Variants in PACC1 observed in about 807,000 individuals in gnomAD.
The protein encoded by PACC1 is proton activated chloride channel 1, also known as proton-activated chloride channel.
A neutral mutation model predicts 39.7 loss-of-function variants in PACC1; 34 were observed. The observed-to-expected ratio is 0.86, with a 90% confidence interval of 0.65 to 1.14. PACC1 has a LOEUF of 1.14. Ranked by LOEUF, PACC1 falls within the 50% of genes most tolerant of loss-of-function variation. The pLI is 0.00. For synonymous variants in PACC1, 127 were observed against 160.6 expected (o/e 0.79, Z 1.58); for missense variants, 379 against 436.4 (o/e 0.87, Z 1.17).
intron 2 of PACC1, among the ~76,000 whole-genome samples, chr1:212,393,622 G>C (rs6689309): frequency 0.53 from 79,778 of 151,910 alleles, 22,444 homozygotes; most frequent in African/African-American, 0.74. Context: ...CACAAAAAAC[G>C]CTTCAAAATA....
chr1:212,410,173 A>C, intron 2 of PACC1: 1 of 460,202 alleles, frequency 2.2e-6, no homozygotes. Context: ...AGAGATCCAA[A>C]GCATTTGCCA....
chr1:212,367,832 C>T (rs1353249562), intron 7 of PACC1, among the ~76,000 whole-genome samples: 1 of 152,130 alleles, frequency 6.6e-6, no homozygotes, highest in Admixed American at 6.5e-5. Context: ...CACTTCTAAA[C>T]CCACCCTGGC....
chr1:212,394,450 C>G (rs1412792086), intron 2 of PACC1, among the ~76,000 whole-genome samples: 2 of 152,138 alleles, frequency 1.3e-5, no homozygotes, highest in African/African-American at 4.8e-5. Context: ...ATAACAAGAG[C>G]TATTTATGAC....
At chr1:212,408,169 C>A (rs1200845541) in intron 2 of PACC1, among the ~76,000 whole-genome samples, 1 of 151,880 alleles carries the variant, frequency 6.6e-6, no homozygotes, top group Non-Finnish European at 1.5e-5. Flanking sequence ...GCTATATGAC[C>A]TCCCCATGCT....
intron 5 of PACC1, among the ~76,000 whole-genome samples, chr1:212,378,352 G>A (rs1057080580): frequency 6.6e-6 from 1 of 152,264 alleles, no homozygotes; most frequent in Non-Finnish European, 1.5e-5. Flanking sequence ...AAGATGGCCA[G>A]CTTGAAGCAG....
At chr1:212,388,570 A>G (rs1018472218) in intron 2 of PACC1, among the ~76,000 whole-genome samples, 16 of 152,342 alleles carry the variant, frequency 1.1e-4, no homozygotes, top group Admixed American at 8.5e-4. Context: ...CAGAATCCTT[A>G]TAAGAGGAGG....
chr1:212,389,609 A>C (rs560415330), intron 2 of PACC1, among the ~76,000 whole-genome samples: 1 of 152,350 alleles, frequency 6.6e-6, no homozygotes, highest in Non-Finnish European at 1.5e-5. Context: ...AAGATGACCC[A>C]GTGTTGCAAT....
intron 7 of PACC1, among the ~76,000 whole-genome samples, chr1:212,366,363 C>T (rs1050424698): frequency 7.0e-6 from 1 of 143,706 alleles, no homozygotes; most frequent in Non-Finnish European, 1.5e-5. Context: ...TGCAGTGGCG[C>T]GATCTCAGTT....
intron 2 of PACC1, among the ~76,000 whole-genome samples, chr1:212,388,373 T>C (rs781618666): frequency 1.3e-5 from 2 of 152,184 alleles, no homozygotes; most frequent in African/African-American, 4.8e-5. Context: ...CTGTCTCCCC[T>C]ACCTCCCTCA....
chr1:212,414,572 C>T (rs1256664947), intron 1 of PACC1, 150 bp downstream of exon 1: 2 of 1,003,650 alleles, frequency 2.0e-6, no homozygotes, highest in Admixed American at 2.4e-5. Flanking sequence ...CTCCTCTGCA[C>T]CCCGGGAGCC....
intron 2 of PACC1, among the ~76,000 whole-genome samples, chr1:212,390,013 A>T (rs1454258757): frequency 2.6e-5 from 4 of 152,198 alleles, no homozygotes; most frequent in Non-Finnish European, 5.9e-5. Flanking sequence ...AATCAACAGA[A>T]ACTATCCAAT....
chr1:212,365,429 CTT>C (rs879161931), intron 7 of PACC1, 53 bp from the exon 8 acceptor site: 74,006 of 951,684 alleles, frequency 0.078, no homozygotes, highest in East Asian at 0.11. Context: ...AGTCTTGATT[CTT>C]TTTTTTTTTT....
intron 2 of PACC1, among the ~76,000 whole-genome samples, chr1:212,404,353 A>G (rs1661828732): frequency 6.7e-6 from 1 of 149,832 alleles, no homozygotes; most frequent in Non-Finnish European, 1.5e-5. Context: ...TGATCCACCC[A>G]CCTCAGCCTC....
At chr1:212,379,214 A>G (rs1480785297) in intron 5 of PACC1, among the ~76,000 whole-genome samples, 1 of 152,160 alleles carries the variant, frequency 6.6e-6, no homozygotes, top group African/African-American at 2.4e-5. Flanking sequence ...AAGTGGTAGG[A>G]TTACAGGTGT....
At chr1:212,406,561 G>C (rs983116202) in intron 2 of PACC1, among the ~76,000 whole-genome samples, 1 of 151,992 alleles carries the variant, frequency 6.6e-6, no homozygotes, top group African/African-American at 2.4e-5. Context: ...TGAGAGTTGT[G>C]TATCAGTCCA....
At chr1:212,414,092 G>C (rs1307827287) in intron 1 of PACC1, 3 of 1,521,914 alleles carry the variant, frequency 2.0e-6, no homozygotes, top group Admixed American at 2.1e-5. Context: ...TGCAGCGCAG[G>C]ACAGAGAAGA....
At chr1:212,396,618 T>C (rs747723116) in intron 2 of PACC1, among the ~76,000 whole-genome samples, 2 of 114,432 alleles carry the variant, frequency 1.7e-5, no homozygotes, top group Non-Finnish European at 3.7e-5. Context: ...AAAAAAGAAA[T>C]CTGAAAAAAA....
rs140158052 is a variant in PACC1 at position 212,387,084 on chromosome 1, G to A, written c.150C>T (p.Ser50=). The stretch of plus-strand genomic sequence containing the variant: ...TGCTGAAGCGGATGCTGCTGGAGGC[G>A]GACTCGCTGTCCAGGCCTGACAACA... ...PGILPGLDSE[S]ASSSIRFSKA... The change falls in exon 3 of 8, where the codon TCC becomes TCT. Residue 50 remains serine, a synonymous_variant. Coordinates refer to ENST00000261455, the MANE Select transcript of PACC1 (RefSeq NM_018252.3). 51 of 1,613,802 alleles carry A rather than the reference G, an allele frequency of 3.2e-5. No homozygotes were observed. The highest frequency in any genetic ancestry group is 4.5e-5 in the East Asian group (2 of 44,876).
intron 7 of PACC1, 110 bp from the exon 8 acceptor site, chr1:212,365,486 C>T (rs986438846): frequency 2.2e-5 from 26 of 1,185,066 alleles, no homozygotes; most frequent in Admixed American, 2.9e-5. Context: ...GGCTTGTGTG[C>T]GTGGCGCAAT....
Sources: allele counts gnomAD v4.1 joint callset (sites outside exome capture counted in the v4.1 genomes callset), GRCh38; gene constraint gnomAD v4.1.1; transcripts MANE v1.5; gene names NCBI Gene and HGNC (gene_info 2026-07-23, HGNC 2026-07-21).